The following CA13 variants were observed in gnomAD, a reference collection of about 807,000 sequenced individuals.
CA13 encodes carbonic anhydrase 13, also known as CA-XIII.
CA13 carries 21 observed loss-of-function variants against 31.5 expected under a neutral mutation model. The ratio of observed to expected loss-of-function variants is 0.67; its 90% confidence interval spans 0.47 to 0.96. CA13 has a LOEUF of 0.96. Ranked by LOEUF, CA13 falls within the 40% of genes least tolerant of loss-of-function variation. The pLI, the probability that CA13 is intolerant of heterozygous loss-of-function variation, is 0.00. For synonymous variants in CA13, 117 were observed against 111.4 expected (o/e 1.05, Z -0.32); for missense variants, 315 against 318.9 (o/e 0.99, Z 0.09).
intron 3 of CA13, among the ~76,000 whole-genome samples, chr8:85,262,939 G>A (rs569078031): frequency 6.6e-6 from 1 of 152,306 alleles, no homozygotes; most frequent in African/African-American, 2.4e-5. Flanking sequence ...GGGAGAGGTA[G>A]ACAATAAGCA....
At chr8:85,260,142 C>A (rs968821255) in intron 3 of CA13, among the ~76,000 whole-genome samples, 3 of 152,024 alleles carry the variant, frequency 2.0e-5, no homozygotes, top group African/African-American at 7.2e-5. Flanking sequence ...ATAAAGCATT[C>A]ATTGAGTTGT....
chr8:85,277,046 A>C (rs1259786522), intron 6 of CA13, among the ~76,000 whole-genome samples: 1 of 152,172 alleles, frequency 6.6e-6, no homozygotes, highest in African/African-American at 2.4e-5. Context: ...GCCCTGTCAA[A>C]ATAGACCACT....
Position 85,281,799 on chromosome 8 carries a change from T to C in CA13, c.*450T>C, listed in dbSNP as rs1807712539. 1 of 154,022 alleles carries C rather than the reference T, an allele frequency of 6.5e-6. No homozygotes were observed. Among genetic ancestry groups the C allele is most frequent in the South Asian group, 2.0e-4 (1 of 4,966 alleles). 9.5% of individuals were successfully genotyped at this position (154,022 alleles called of 1,614,324 possible). On this transcript the variant is annotated 3_prime_UTR_variant, in exon 7 of 7. Transcript: ENST00000321764. ...TCTCAAAGTGCTGGGATTTCAGGCATGGGTCATCAAGCCCAGCTGACCCAG... is the reference window on the plus strand; with the variant it reads ...TCTCAAAGTGCTGGGATTTCAGGCACGGGTCATCAAGCCCAGCTGACCCAG...
chr8:85,264,981 A>G (rs745412674), intron 3 of CA13, among the ~76,000 whole-genome samples: 4 of 152,208 alleles, frequency 2.6e-5, no homozygotes, highest in Admixed American at 1.3e-4. Context: ...GCACTGTTTT[A>G]TAGTTGACTG....
chr8:85,280,330 G>A (rs1419553442), intron 6 of CA13, among the ~76,000 whole-genome samples: 1 of 152,146 alleles, frequency 6.6e-6, no homozygotes, highest in Non-Finnish European at 1.5e-5. Context: ...AAACATGGTT[G>A]CTTGTATGTA....
chr8:85,250,954 T>G lies in CA13; in HGVS notation c.235+17T>G, dbSNP rs752509732. On this transcript the variant is annotated intron_variant, in intron 2 of 6. Coordinates refer to ENST00000321764, the MANE Select transcript of CA13 (RefSeq NM_198584.3). ...ACAAATCAGGTTGGCTTTTCTTTTT[T>G]TGTGTGTGTGGTGGTGGATGAAGGG... The G allele has an allele frequency of 6.9e-6, 11 of 1,604,640 alleles. No individual in the cohort carries two copies. The highest frequency in any genetic ancestry group is 6.6e-5 in the South Asian group (6 of 90,830).
At chr8:85,246,640 C>G (rs1404063439) in intron 1 of CA13, 2 of 376,872 alleles carry the variant, frequency 5.3e-6, no homozygotes, top group African/African-American at 4.2e-5. Flanking sequence ...CACACATTAT[C>G]AAAAGTAAAA....
At chr8:85,256,983 T>TTA (rs757461078) in intron 2 of CA13, among the ~76,000 whole-genome samples, 5 of 152,186 alleles carry the variant, frequency 3.3e-5, no homozygotes, top group Non-Finnish European at 7.3e-5. Flanking sequence ...CTTGGTATAA[T>TTA]CCTGGCAGAT....
At chr8:85,258,703 G>A (rs1055774942) in intron 2 of CA13, among the ~76,000 whole-genome samples, 2 of 129,170 alleles carry the variant, frequency 1.5e-5, no homozygotes, top group Middle Eastern at 5.1e-3. Flanking sequence ...TGGGAGGATC[G>A]CTTGAGGCCA....
chr8:85,279,047 G>GTC (rs1298978798), intron 6 of CA13, among the ~76,000 whole-genome samples: 1 of 152,172 alleles, frequency 6.6e-6, no homozygotes, highest in Non-Finnish European at 1.5e-5. Context: ...CTATCAAAGA[G>GTC]GTTTGAGCAT....
At position 85,259,451 on chromosome 8, in the gene CA13, A is replaced by G. The variant is rs189843812; in HGVS notation, c.266A>G (p.Tyr89Cys). The G allele has an allele frequency of 8.1e-6, 13 of 1,614,072 alleles. No homozygotes were observed. In the East Asian group the frequency reaches 2.9e-4, roughly 36 times the overall value. Residue 89 changes from tyrosine (Y) to cysteine (C), a missense_variant, in exon 3 of 7, where the codon TAC becomes TGC. Coordinates refer to ENST00000321764, the MANE Select transcript of CA13 (RefSeq NM_198584.3). ...CGTGGTGGTCCTCTCACTGGAAGCTACAGGTTACGGCAGGTTCACCTTCAC... is the reference window on the plus strand; with the variant it reads ...CGTGGTGGTCCTCTCACTGGAAGCTGCAGGTTACGGCAGGTTCACCTTCAC... ...VLRGGPLTGS[Y>C]RLRQVHLHWG...
At chr8:85,278,544 T>G (rs568620263) in intron 6 of CA13, among the ~76,000 whole-genome samples, 2 of 152,218 alleles carry the variant, frequency 1.3e-5, no homozygotes, top group South Asian at 2.1e-4. Flanking sequence ...ATGTTAGAAA[T>G]GTGATGTATT....
chr8:85,245,730 C>A lies in CA13; in HGVS notation c.-99C>A. On this transcript the variant is annotated 5_prime_UTR_variant, in exon 1 of 7. Coordinates refer to ENST00000321764, the MANE Select transcript of CA13 (RefSeq NM_198584.3). The stretch of plus-strand genomic sequence containing the variant: ...TCGCACTCCTGCCGCCGGCGCCCCG[C>A]GGTCCCGCCCTAGCAGGCTCCTTCC... 6 of 1,407,540 alleles carry A rather than the reference C, an allele frequency of 4.3e-6. No individual in the cohort carries two copies. The highest frequency in any genetic ancestry group is 5.0e-6 in the Non-Finnish European group (5 of 999,012). 87.2% of individuals were successfully genotyped at this position (1,407,540 alleles called of 1,614,324 possible). A position where few individuals can be genotyped will look rare whatever the true frequency, so the allele number is the denominator to read the frequency against.
At chr8:85,256,931 G>T (rs1247909461) in intron 2 of CA13, among the ~76,000 whole-genome samples, 2 of 152,118 alleles carry the variant, frequency 1.3e-5, no homozygotes. Flanking sequence ...GGGAACATCT[G>T]TGTCCTTTGG....
chr8:85,257,264 A>T (rs1019046898), intron 2 of CA13, among the ~76,000 whole-genome samples: 8 of 152,126 alleles, frequency 5.3e-5, no homozygotes, highest in African/African-American at 1.9e-4. Flanking sequence ...GATACAGGGG[A>T]CCAAAACAGT....
At chr8:85,258,304 T>A (rs534278447) in intron 2 of CA13, among the ~76,000 whole-genome samples, 3 of 152,240 alleles carry the variant, frequency 2.0e-5, no homozygotes, top group Admixed American at 2.0e-4. Flanking sequence ...AAGAAGCTTT[T>A]CTATATACTT....
chr8:85,255,821 T>G (rs1017773613), intron 2 of CA13, among the ~76,000 whole-genome samples: 1 of 152,216 alleles, frequency 6.6e-6, no homozygotes, highest in African/African-American at 2.4e-5. Context: ...TTTGGGAACC[T>G]CACCTGAGGC....
intron 2 of CA13, among the ~76,000 whole-genome samples, chr8:85,258,376 A>C (rs1807329754): frequency 1.3e-5 from 2 of 152,168 alleles, no homozygotes; most frequent in African/African-American, 4.8e-5. Context: ...ACTCAAATGT[A>C]CTTTGTCAAA....
chr8:85,248,963 A>G (rs1412184314), intron 1 of CA13, among the ~76,000 whole-genome samples: 3 of 152,204 alleles, frequency 2.0e-5, no homozygotes, highest in African/African-American at 7.2e-5. Context: ...TTATATATAG[A>G]AAAAGTACTC....
Sources: gnomAD v4.1 joint callset for allele counts (sites outside exome capture counted in the v4.1 genomes callset) on GRCh38, gnomAD v4.1.1 for gene constraint, MANE v1.5 for transcripts, NCBI Gene and HGNC (gene_info 2026-07-23, HGNC 2026-07-21) for gene names.